Variants in TSG101 observed in about 807,000 individuals in gnomAD.
TSG101 encodes tumor susceptibility 101, also known as tumor susceptibility gene 101 protein.
A neutral mutation model predicts 48.5 loss-of-function variants in TSG101; 19 were observed. The ratio of observed to expected loss-of-function variants is 0.39; its 90% CI spans 0.27 to 0.58. The LOEUF (loss-of-function observed/expected upper bound fraction) is 0.58. TSG101 is among the 20% of genes least tolerant of loss of function. The probability of loss-of-function intolerance (pLI) is 0.55; values close to 1 mark genes in which losing one functional copy is unlikely to be tolerated. For synonymous variants in TSG101, 174 were observed against 169.4 expected, an observed-to-expected ratio of 1.03 and a Z score of -0.21; for missense variants, 365 against 484.4, an observed-to-expected ratio of 0.75 and a Z score of 2.31.
intron 6 of TSG101, among the ~76,000 whole-genome samples, chr11:18,502,957 T>C (rs1259864413): frequency 2.6e-5 from 4 of 152,240 alleles, no homozygotes; most frequent in South Asian, 2.1e-4. Context: ...CTGTGGCTTA[T>C]TGGTAACCTT....
chr11:18,518,408 G>C (rs1413750885), intron 2 of TSG101, among the ~76,000 whole-genome samples: 1 of 152,208 alleles, frequency 6.6e-6, no homozygotes, highest in African/African-American at 2.4e-5. Flanking sequence ...ACTCACAATG[G>C]ACAAGCAGCA....
chr11:18,509,406 C>G, intron 5 of TSG101, 136 bp downstream of exon 5: 1 of 1,240,416 alleles, frequency 8.1e-7, no homozygotes, highest in African/African-American at 1.5e-5. Flanking sequence ...TGTGGGGCCT[C>G]AGAATACTTC....
At chr11:18,485,767 AAT>A (rs1394332655) in intron 7 of TSG101, among the ~76,000 whole-genome samples, 15 of 152,350 alleles carry the variant, frequency 9.8e-5, no homozygotes, top group African/African-American at 3.6e-4. Context: ...AAAAGTCATT[AAT>A]AGAGTAAAAT....
intron 8 of TSG101, among the ~76,000 whole-genome samples, chr11:18,483,233 T>A (rs1849570588): frequency 6.6e-6 from 1 of 152,092 alleles, no homozygotes; most frequent in Admixed American, 6.6e-5. Context: ...AGTGGCTCAC[T>A]CCTGTAATCC....
intron 7 of TSG101, among the ~76,000 whole-genome samples, chr11:18,494,855 G>A (rs1273247703): frequency 6.6e-6 from 1 of 152,080 alleles, no homozygotes; most frequent in Non-Finnish European, 1.5e-5. Flanking sequence ...GAACAGCATT[G>A]GATAAGACAG....
At chr11:18,495,142 T>A (rs1399216925) in intron 7 of TSG101, among the ~76,000 whole-genome samples, 2 of 152,218 alleles carry the variant, frequency 1.3e-5, no homozygotes, top group African/African-American at 4.8e-5. Context: ...TTTATTTGAT[T>A]TTTAGGAACA....
intron 7 of TSG101, among the ~76,000 whole-genome samples, chr11:18,484,861 AT>A (rs1426061920): frequency 2.0e-5 from 3 of 150,804 alleles, no homozygotes; most frequent in Admixed American, 2.0e-4. Context: ...TGTAAATGGC[AT>A]TTTGACTTTT....
intron 7 of TSG101, among the ~76,000 whole-genome samples, chr11:18,499,381 A>AATAAATATATATATAT (rs1554970780): frequency 8.1e-5 from 1 of 12,292 alleles, no homozygotes; most frequent in African/African-American, 2.6e-4. Flanking sequence ...TTTATATTTA[A>AATAAATATATATATAT]ATATATATAT....
chr11:18,521,564 T>C, intron 1 of TSG101, among the ~76,000 whole-genome samples: 1 of 151,214 alleles, frequency 6.6e-6, no homozygotes. Flanking sequence ...AGACAGGATC[T>C]CACTATGTTG....
intron 7 of TSG101, among the ~76,000 whole-genome samples, chr11:18,499,397 TA>T (rs1466132195): frequency 0.016 from 209 of 12,994 alleles, 3 homozygotes; most frequent in African/African-American, 0.045. Context: ...TATATATATA[TA>T]TATATTTTTT....
intron 1 of TSG101, among the ~76,000 whole-genome samples, chr11:18,523,246 CCT>C (rs958390315): frequency 6.6e-6 from 1 of 152,134 alleles, no homozygotes; most frequent in Non-Finnish European, 1.5e-5. Flanking sequence ...TTCAGAAAGA[CCT>C]CTCTTTACTA....
chr11:18,521,670 CTTTTTTTTTT>C (rs869176661), intron 1 of TSG101, among the ~76,000 whole-genome samples: 2 of 66,740 alleles, frequency 3.0e-5, no homozygotes, highest in African/African-American at 5.8e-5. Context: ...TGGCCCCTTC[CTTTTTTTTTT>C]TTTTTTTTTT....
At chr11:18,517,644 A>G (rs1850202164) in intron 2 of TSG101, among the ~76,000 whole-genome samples, 1 of 152,240 alleles carries the variant, frequency 6.6e-6, no homozygotes, top group East Asian at 1.9e-4. Context: ...TATGGTATGC[A>G]GTACAGTAAC....
intron 7 of TSG101, among the ~76,000 whole-genome samples, chr11:18,500,960 C>A (rs554254953): frequency 1.3e-5 from 2 of 152,230 alleles, no homozygotes; most frequent in South Asian, 2.1e-4. Flanking sequence ...TGTACCACCA[C>A]GCCCAGATTT....
At chr11:18,487,751 G>A (rs1849641088) in intron 7 of TSG101, among the ~76,000 whole-genome samples, 1 of 152,202 alleles carries the variant, frequency 6.6e-6, no homozygotes, top group African/African-American at 2.4e-5. Context: ...TTCCTGGTTT[G>A]TAACAGGAGT....
At chr11:18,498,216 G>A (rs368443850) in intron 7 of TSG101, among the ~76,000 whole-genome samples, 6 of 152,298 alleles carry the variant, frequency 3.9e-5, no homozygotes, top group East Asian at 1.9e-4. Context: ...TAATGGGGAA[G>A]AGGGCAGGAT....
intron 3 of TSG101, among the ~76,000 whole-genome samples, chr11:18,515,501 C>T (rs143502397): frequency 1.1e-3 from 168 of 152,308 alleles, no homozygotes; most frequent in African/African-American, 3.9e-3. Context: ...GACAGGCTAA[C>T]AGAGATCAAT....
intron 6 of TSG101, among the ~76,000 whole-genome samples, chr11:18,503,370 ATT>A (rs397848238): frequency 1.9e-4 from 25 of 130,804 alleles, no homozygotes; most frequent in African/African-American, 3.4e-4. Context: ...TTCAGGTTAA[ATT>A]TTTTTTTTTT....
At chr11:18,513,528 G>A (rs1002339525) in intron 4 of TSG101, among the ~76,000 whole-genome samples, 1 of 151,930 alleles carries the variant, frequency 6.6e-6, no homozygotes, top group Admixed American at 6.6e-5. Context: ...TCAAACTCCT[G>A]AGCTCAAGCA....
Sources: gnomAD v4.1 joint callset for allele counts (sites outside exome capture counted in the v4.1 genomes callset) on GRCh38, gnomAD v4.1.1 for gene constraint, MANE v1.5 for transcripts, NCBI Gene and HGNC (gene_info 2026-07-23, HGNC 2026-07-21) for gene names.